MLIP: variants seen among roughly 807,000 people sequenced by gnomAD.
MLIP encodes muscular LMNA-interacting protein.
Under a neutral mutation model 84.8 loss-of-function variants are expected in MLIP, and 79 were observed. That is an observed-to-expected ratio of 0.93 (90% CI 0.78 to 1.12). The LOEUF (loss-of-function observed/expected upper bound fraction) is 1.12, where lower values mean the gene tolerates loss of function less well. Among genes scored for constraint, MLIP ranks in the 50% most tolerant of loss-of-function variants. The probability of loss-of-function intolerance (pLI) is 0.00; values close to 1 mark genes in which losing one functional copy is unlikely to be tolerated. For synonymous variants in MLIP, 504 were observed against 463.0 expected (o/e 1.09, Z -1.14); for missense variants, 1,257 against 1,160.6 (o/e 1.08, Z -1.21).
intron 11 of MLIP, among the ~76,000 whole-genome samples, chr6:54,205,789 C>A (rs1003166339): frequency 6.6e-6 from 1 of 152,050 alleles, no homozygotes; most frequent in Non-Finnish European, 1.5e-5. Flanking sequence ...AAAAACGAAA[C>A]CTTCAAAATG....
intron 11 of MLIP, among the ~76,000 whole-genome samples, chr6:54,219,463 G>A (rs1175919675): frequency 3.4e-5 from 5 of 147,492 alleles, no homozygotes; most frequent in Admixed American, 1.4e-4. Flanking sequence ...GGAATTTTTC[G>A]GCTCCATGTT....
Position 54,020,828 on chromosome 6 carries a change from C to T in MLIP, c.63+1737C>T, listed in dbSNP as rs566080297. Among the ~76,000 whole-genome samples the T allele has an allele frequency of 2.0e-3, 311 of 152,208 alleles. 2 individuals are homozygous for T. The highest frequency in any genetic ancestry group is 7.1e-3 in the African/African-American group (293 of 41,522). ...CAAAGATTGCGGGGAAATATGGCGG[C>T]ACATCAGAGGCATACGAACATTCAC... On this transcript the variant is annotated intron_variant, in intron 1 of 12. Coordinates refer to the MLIP transcript ENST00000274897.
chr6:54,207,521 C>T (rs964498051), intron 11 of MLIP, among the ~76,000 whole-genome samples: 5 of 149,124 alleles, frequency 3.4e-5, no homozygotes, highest in Non-Finnish European at 7.4e-5. Context: ...CAGTTGTTAA[C>T]AGGAATTTCT....
At chr6:54,235,778 C>T (rs769486758) in intron 12 of MLIP, among the ~76,000 whole-genome samples, 2 of 152,150 alleles carry the variant, frequency 1.3e-5, no homozygotes, top group African/African-American at 2.4e-5. Context: ...TATCCAGTTT[C>T]CACAGATCTG....
chr6:54,102,008 G>A (rs1020558990), intron 1 of MLIP, among the ~76,000 whole-genome samples: 6 of 152,030 alleles, frequency 3.9e-5, no homozygotes, highest in African/African-American at 7.2e-5. Context: ...GATCCTGGCT[G>A]GCTACTGCGT....
intron 4 of MLIP, 124 bp from the exon 5 acceptor site, chr6:54,148,932 T>A (rs1251855152): frequency 1.4e-6 from 1 of 690,546 alleles, no homozygotes; most frequent in African/African-American, 1.8e-5. Context: ...AACAAGTTGT[T>A]CAGCATAATA....
At chr6:54,120,727 T>C (rs1167700217) in intron 1 of MLIP, among the ~76,000 whole-genome samples, 2 of 152,124 alleles carry the variant, frequency 1.3e-5, no homozygotes, top group Non-Finnish European at 2.9e-5. Context: ...CAACTGGACT[T>C]AAATTTCAGG....
chr6:54,043,689 G>A (rs1006309313), intron 1 of MLIP, among the ~76,000 whole-genome samples: 4 of 152,188 alleles, frequency 2.6e-5, no homozygotes, highest in African/African-American at 9.7e-5. Flanking sequence ...TTAGGGAATA[G>A]GATGCCAATT....
chr6:54,087,060 A>G (rs1767542846), intron 1 of MLIP, among the ~76,000 whole-genome samples: 1 of 152,164 alleles, frequency 6.6e-6, no homozygotes, highest in Non-Finnish European at 1.5e-5. Context: ...TTTTGTGTTC[A>G]GCTCACTGTT....
At chr6:54,234,894 G>A (rs1781260674) in intron 12 of MLIP, among the ~76,000 whole-genome samples, 1 of 151,974 alleles carries the variant, frequency 6.6e-6, no homozygotes, top group African/African-American at 2.4e-5. Context: ...CCACTCACAG[G>A]CCTTAGTGAT....
intron 4 of MLIP, 35 bp from the exon 5 acceptor site, chr6:54,149,021 C>T: frequency 6.4e-7 from 1 of 1,568,106 alleles, no homozygotes; most frequent in Non-Finnish European, 8.8e-7. Flanking sequence ...TTCCCATTTT[C>T]ATCTCTACTC....
At chr6:54,161,017 G>A (rs1774584850) in intron 8 of MLIP, among the ~76,000 whole-genome samples, 1 of 151,944 alleles carries the variant, frequency 6.6e-6, no homozygotes, top group Non-Finnish European at 1.5e-5. Context: ...TATAATGCAA[G>A]GTAAGTGTAT....
chr6:54,074,822 A>G (rs998686928), intron 1 of MLIP, among the ~76,000 whole-genome samples: 2 of 152,196 alleles, frequency 1.3e-5, no homozygotes, highest in African/African-American at 4.8e-5. Flanking sequence ...GAGGGATTAG[A>G]AACACTAGAT....
At chr6:54,067,742 A>G (rs1766275938) in intron 1 of MLIP, among the ~76,000 whole-genome samples, 1 of 101,462 alleles carries the variant, frequency 9.9e-6, no homozygotes, top group African/African-American at 2.5e-5. Flanking sequence ...TCTTCTGTGT[A>G]TACATTGAAC....
chr6:54,219,154 C>T (rs1201139814), intron 11 of MLIP, among the ~76,000 whole-genome samples: 1 of 151,390 alleles, frequency 6.6e-6, no homozygotes, highest in Non-Finnish European at 1.5e-5. Flanking sequence ...TGTAGTGAGC[C>T]GAGATCATGC....
At chr6:54,211,139 CT>C (rs1466028835) in intron 11 of MLIP, among the ~76,000 whole-genome samples, 1 of 152,140 alleles carries the variant, frequency 6.6e-6, no homozygotes, top group African/African-American at 2.4e-5. Flanking sequence ...ACTCAGGAGT[CT>C]GAGGCAGGAG....
intron 1 of MLIP, among the ~76,000 whole-genome samples, chr6:54,072,988 G>T (rs181175897): frequency 6.6e-6 from 1 of 152,118 alleles, no homozygotes; most frequent in South Asian, 2.1e-4. Context: ...AATTTCTGTA[G>T]ACTTTTGCCA....
At chr6:54,074,651 G>A (rs1766683437) in intron 1 of MLIP, among the ~76,000 whole-genome samples, 1 of 152,166 alleles carries the variant, frequency 6.6e-6, no homozygotes, top group South Asian at 2.1e-4. Context: ...TATTCACACA[G>A]CTGCTGAAGC....
chr6:54,106,409 T>C (rs1206004404), intron 1 of MLIP, among the ~76,000 whole-genome samples: 1 of 152,002 alleles, frequency 6.6e-6, no homozygotes, highest in East Asian at 1.9e-4. Context: ...AGACCATCCA[T>C]ATGGTGCTCA....
Sources: allele counts gnomAD v4.1 joint callset (sites outside exome capture counted in the v4.1 genomes callset), GRCh38; gene constraint gnomAD v4.1.1; transcripts MANE v1.5; gene names NCBI Gene and HGNC (gene_info 2026-07-23, HGNC 2026-07-21).